SLC35F4: variants seen among roughly 807,000 people sequenced by gnomAD.
SLC35F4 encodes the protein chromosome 14 open reading frame 36.
A neutral mutation model predicts 44.2 loss-of-function variants in SLC35F4; 24 were observed. The ratio of observed to expected loss-of-function variants is 0.54; its 90% confidence interval spans 0.39 to 0.76. SLC35F4 has a LOEUF of 0.76. Among genes scored for constraint, SLC35F4 ranks in the 30% least tolerant of loss-of-function variants. The pLI, the probability that SLC35F4 is intolerant of heterozygous loss-of-function variation, is 0.00. For synonymous variants in SLC35F4, 238 were observed against 223.6 expected (o/e 1.06, Z -0.57); for missense variants, 562 against 586.1 (o/e 0.96, Z 0.42).
Position 57,589,462 on chromosome 14 carries a change from ATTCTGTT to A in SLC35F4, c.334_340del (p.Asn112SerfsTer13). On this transcript the variant is annotated frameshift_variant, in exon 3 of 8. Coordinates refer to ENST00000556826, the MANE Select transcript of SLC35F4 (RefSeq NM_001306087.2). LOFTEE classifies it high-confidence loss of function. ...CGTGCAGGACAGGCAGCGAGCCTTG[ATTCTGTT>A]TTCTTGGCTGCTGTTCTCAGAATGA... is the stretch of plus-strand genomic sequence containing the variant. The A allele has an allele frequency of 6.2e-7, 1 of 1,613,752 alleles. No individual in the cohort carries two copies.
intron 1 of SLC35F4, among the ~76,000 whole-genome samples, chr14:57,737,879 C>T (rs1348741936): frequency 3.3e-5 from 5 of 152,032 alleles, no homozygotes; most frequent in Non-Finnish European, 7.3e-5. Context: ...TCTTCAACTC[C>T]AAAGTAAATA....
chr14:57,636,480 G>A (rs2073023547), intron 1 of SLC35F4, among the ~76,000 whole-genome samples: 1 of 151,998 alleles, frequency 6.6e-6, no homozygotes, highest in Non-Finnish European at 1.5e-5. Flanking sequence ...TAATTAGTGA[G>A]GCAGTTACTA....
At chr14:57,706,102 A>G (rs1938937253) in intron 1 of SLC35F4, among the ~76,000 whole-genome samples, 1 of 152,204 alleles carries the variant, frequency 6.6e-6, no homozygotes, top group Non-Finnish European at 1.5e-5. Flanking sequence ...ATCATTCTCC[A>G]CTGTAACGTC....
chr14:57,671,683 CCTT>C (rs2074528246), intron 1 of SLC35F4, among the ~76,000 whole-genome samples: 1 of 151,950 alleles, frequency 6.6e-6, no homozygotes, highest in South Asian at 2.1e-4. Flanking sequence ...GGGTGAAACT[CCTT>C]CTGCTTGAAA....
At chr14:57,891,895 T>C (rs1293546265) in intron 1 of SLC35F4, among the ~76,000 whole-genome samples, 1 of 141,638 alleles carries the variant, frequency 7.1e-6, no homozygotes, top group Non-Finnish European at 1.5e-5. Context: ...AAAAGATTCT[T>C]TCTTAAGAGT....
At chr14:57,804,567 A>G (rs75084754) in intron 1 of SLC35F4, among the ~76,000 whole-genome samples, 74,118 of 152,090 alleles carry the variant, frequency 0.49, 20,902 homozygotes, top group African/African-American at 0.77. Context: ...GGCTGGCCAT[A>G]TGCAGAAAAT....
intron 1 of SLC35F4, among the ~76,000 whole-genome samples, chr14:57,785,359 G>T (rs551383075): frequency 1.3e-5 from 2 of 152,246 alleles, no homozygotes; most frequent in South Asian, 4.2e-4. Context: ...CGGCACCCCT[G>T]CCTGCTTCCC....
chr14:57,569,058 G>A (rs2068348899), intron 6 of SLC35F4, among the ~76,000 whole-genome samples: 1 of 152,108 alleles, frequency 6.6e-6, no homozygotes, highest in South Asian at 2.1e-4. Flanking sequence ...GTTATAGGAA[G>A]CTGGCAATGA....
chr14:57,916,343 A>C (rs1889329586), intron 1 of SLC35F4, among the ~76,000 whole-genome samples: 3 of 152,228 alleles, frequency 2.0e-5, no homozygotes. Flanking sequence ...ATTAAATTTC[A>C]AATGAGTTTT....
intron 1 of SLC35F4, among the ~76,000 whole-genome samples, chr14:57,963,471 G>A (rs1160582179): frequency 3.9e-5 from 6 of 152,180 alleles, no homozygotes; most frequent in Non-Finnish European, 8.8e-5. Flanking sequence ...AAAGAACGAA[G>A]GGACACAATT....
chr14:57,691,815 C>T (rs1230846597), intron 1 of SLC35F4, among the ~76,000 whole-genome samples: 1 of 150,532 alleles, frequency 6.6e-6, no homozygotes, highest in Non-Finnish European at 1.5e-5. Context: ...AACATGATAG[C>T]AAATGTGACA....
At chr14:57,751,912 TTCTCTCTC>T (rs3062974) in intron 1 of SLC35F4, among the ~76,000 whole-genome samples, 53 of 149,366 alleles carry the variant, frequency 3.5e-4, no homozygotes, top group South Asian at 8.6e-4. Context: ...TAAAAAACAT[TTCTCTCTC>T]TCTCTCTCTC....
intron 1 of SLC35F4, 101 bp downstream of exon 1, chr14:57,865,622 A>T: frequency 1.1e-6 from 1 of 909,614 alleles, no homozygotes; most frequent in Non-Finnish European, 1.6e-6. Flanking sequence ...GCAGGGCTGC[A>T]GGTGTCCGTA....
intron 1 of SLC35F4, among the ~76,000 whole-genome samples, chr14:57,953,478 A>G (rs1346805637): frequency 6.6e-6 from 1 of 152,220 alleles, no homozygotes; most frequent in East Asian, 1.9e-4. Flanking sequence ...ATTAAAAGAC[A>G]CAGACTGGCA....
chr14:57,930,027 T>C (rs547614502), intron 1 of SLC35F4, among the ~76,000 whole-genome samples: 2 of 152,302 alleles, frequency 1.3e-5, no homozygotes, highest in South Asian at 2.1e-4. Flanking sequence ...AGATTGGCCA[T>C]ATTTTTCACC....
At chr14:57,796,773 A>C (rs189272977) in intron 1 of SLC35F4, among the ~76,000 whole-genome samples, 1 of 152,218 alleles carries the variant, frequency 6.6e-6, no homozygotes, top group Admixed American at 6.5e-5. Context: ...GCAGTTAAAC[A>C]TCAAGCTAAG....
intron 1 of SLC35F4, among the ~76,000 whole-genome samples, chr14:57,611,606 A>G (rs2071511946): frequency 6.6e-6 from 1 of 152,176 alleles, no homozygotes; most frequent in Non-Finnish European, 1.5e-5. Flanking sequence ...AAACAAAAAA[A>G]AGAGTTACCA....
intron 1 of SLC35F4, among the ~76,000 whole-genome samples, chr14:57,932,398 C>T (rs945026711): frequency 1.8e-4 from 27 of 151,304 alleles, no homozygotes; most frequent in African/African-American, 6.5e-4. Flanking sequence ...GATTTTTTCA[C>T]AGTCATAGTT....
chr14:57,928,206 T>A (rs1889620738), intron 1 of SLC35F4, among the ~76,000 whole-genome samples: 1 of 152,144 alleles, frequency 6.6e-6, no homozygotes. Flanking sequence ...GGTGGGACTT[T>A]AATCCTTGCC....
Sources: gnomAD v4.1 joint callset for allele counts (sites outside exome capture counted in the v4.1 genomes callset) on GRCh38, gnomAD v4.1.1 for gene constraint, MANE v1.5 for transcripts, NCBI Gene and HGNC (gene_info 2026-07-23, HGNC 2026-07-21) for gene names.